The following PPP1R8 variants were observed in gnomAD, a reference collection of about 807,000 sequenced individuals.
PPP1R8 encodes nuclear inhibitor of protein phosphatase 1.
In PPP1R8, 4 loss-of-function variants were observed where a neutral mutation model predicts 31.3. The observed-to-expected ratio is 0.13, with a 90% CI of 0.06 to 0.29. The LOEUF is 0.29. Among genes scored for constraint, PPP1R8 ranks in the 10% least tolerant of loss-of-function variants. The pLI is 1.00. For synonymous variants in PPP1R8, 170 were observed against 169.7 expected (o/e 1.00, Z -0.01); for missense variants, 254 against 440.1 (o/e 0.58, Z 3.78).
intron 4 of PPP1R8, among the ~76,000 whole-genome samples, chr1:27,842,116 G>A (rs1445288361): frequency 3.9e-5 from 6 of 152,134 alleles, no homozygotes; most frequent in Non-Finnish European, 8.8e-5. Context: ...CGAGGTGGGC[G>A]GATCACCTGA....
chr1:27,849,900 G>A (rs1354371205), intron 6 of PPP1R8, among the ~76,000 whole-genome samples, 193 bp from the exon 7 acceptor site: 7 of 152,166 alleles, frequency 4.6e-5, no homozygotes, highest in Admixed American at 3.9e-4. Flanking sequence ...GTAGATGACT[G>A]GAAAGGTCTC....
chr1:27,835,749 G>A lies in PPP1R8; in HGVS notation c.117+2933G>A, dbSNP rs1193392809. Among the ~76,000 whole-genome samples the A allele has an allele frequency of 3.3e-5, 5 of 152,316 alleles. No individual in the cohort carries two copies. The East Asian group carries it at 5.8e-4, about 18-fold the overall frequency. On this transcript the variant is annotated intron_variant, in intron 2 of 6. Transcript: ENST00000311772. The stretch of plus-strand genomic sequence containing the variant: ...TATATAATGTGGTTAAAACAGCTTA[G>A]ACTCTGAAGCCAGACAAATCTGAAT...
Position 27,843,259 on chromosome 1 carries a change from T to C in PPP1R8, c.566T>C (p.Ile189Thr). ...TLTIEEGNLD[I>T]QRPKRKRKNS... Reference sequence around the variant, plus strand: ...ACCATTGAGGAGGGAAATCTGGACATTCAAAGACCAAAGAGGAAGAGGAAG... The same window carrying C: ...ACCATTGAGGAGGGAAATCTGGACACTCAAAGACCAAAGAGGAAGAGGAAG... The change falls in exon 5 of 7, where the codon ATT becomes ACT. Residue 189 changes from isoleucine (I) to threonine (T), a missense_variant. Transcript: ENST00000311772. 2 of 1,614,170 alleles carry C rather than the reference T, an allele frequency of 1.2e-6. No individual in the cohort carries two copies. The highest frequency in any genetic ancestry group is 1.7e-6 in the Non-Finnish European group (2 of 1,180,016).
chr1:27,842,124 T>C (rs1438714423), intron 4 of PPP1R8, among the ~76,000 whole-genome samples: 1 of 152,170 alleles, frequency 6.6e-6, no homozygotes, highest in Admixed American at 6.5e-5. Flanking sequence ...GCGGATCACC[T>C]GAGGTCAGGA....
intron 6 of PPP1R8, among the ~76,000 whole-genome samples, chr1:27,847,743 C>A (rs895360870): frequency 1.3e-5 from 2 of 151,826 alleles, no homozygotes; most frequent in Non-Finnish European, 2.9e-5. Context: ...AAAAAAATAA[C>A]CTGCTCTTTA....
At chr1:27,844,884 ATTTTTTTTTTTTT>A (rs765514573) in intron 5 of PPP1R8, among the ~76,000 whole-genome samples, 14 of 72,372 alleles carry the variant, frequency 1.9e-4, no homozygotes, top group South Asian at 4.7e-4. Flanking sequence ...TGCCCGACTA[ATTTTTTTTTTTTT>A]TTTTTTTTTT....
intron 5 of PPP1R8, among the ~76,000 whole-genome samples, chr1:27,844,646 T>C (rs888864994): frequency 6.7e-6 from 1 of 150,202 alleles, no homozygotes; most frequent in Non-Finnish European, 1.5e-5. Flanking sequence ...TATTTTTTAA[T>C]GAGCTCCTGT....
intron 4 of PPP1R8, among the ~76,000 whole-genome samples, chr1:27,842,863 C>T (rs532808329): frequency 2.6e-5 from 4 of 152,292 alleles, no homozygotes; most frequent in East Asian, 1.9e-4. Flanking sequence ...GACATGATAG[C>T]CTTTCTTCAG....
chr1:27,841,957 G>C (rs1309534879), intron 4 of PPP1R8, among the ~76,000 whole-genome samples: 1 of 152,204 alleles, frequency 6.6e-6, no homozygotes, highest in Non-Finnish European at 1.5e-5. Context: ...TAGACCAAAT[G>C]CAATCATGTC....
rs906050362 is a variant in PPP1R8, at chr1:27,851,234, C to T, written c.*788C>T. On this transcript the variant is annotated 3_prime_UTR_variant, in exon 7 of 7. Coordinates refer to ENST00000311772, the MANE Select transcript of PPP1R8 (RefSeq NM_014110.5). Reference sequence around the variant, plus strand: ...GAAGGCAGTTTTCAAAGGATATGACCAGTTGGGGTAATTCAAATTAAAAAG... The same window carrying T: ...GAAGGCAGTTTTCAAAGGATATGACTAGTTGGGGTAATTCAAATTAAAAAG... 3.6e-6 allele frequency: 1 copy of T among 278,430 alleles called. No individual in the cohort carries two copies. Among genetic ancestry groups the T allele is most frequent in the Non-Finnish European group, 7.2e-6 (1 of 139,738 alleles). 17.2% of individuals were successfully genotyped at this position (278,430 alleles called of 1,614,324 possible). A position where few individuals can be genotyped will look rare whatever the true frequency, so the allele number is the denominator to read the frequency against.
chr1:27,850,083 T>C lies in PPP1R8; in HGVS notation c.703-10T>C. 6.5e-7 allele frequency: 1 copy of C among 1,542,598 alleles called. No individual in the cohort carries two copies. The highest frequency in any genetic ancestry group is 8.8e-7 in the Non-Finnish European group (1 of 1,142,850). ...TCCAATCTCTCCCCTCTCCTCATCG[T>C]GAACTGTAGAAGAAGCGTGTGGAGG... On this transcript the variant is annotated splice_polypyrimidine_tract_variant and intron_variant, in intron 6 of 6. Coordinates refer to ENST00000311772, the MANE Select transcript of PPP1R8 (RefSeq NM_014110.5).
intron 1 of PPP1R8, 99 bp from the exon 2 acceptor site, chr1:27,832,657 T>A: frequency 1.1e-6 from 1 of 939,406 alleles, no homozygotes; most frequent in South Asian, 1.8e-5. Flanking sequence ...GAACTAATTA[T>A]AGGCTGGTAG....
intron 3 of PPP1R8, among the ~76,000 whole-genome samples, chr1:27,839,270 G>A (rs1414182380): frequency 6.6e-6 from 1 of 152,164 alleles, no homozygotes; most frequent in Admixed American, 6.5e-5. Context: ...GCTCACTCCT[G>A]TAATCCCAGC....
intron 6 of PPP1R8, among the ~76,000 whole-genome samples, chr1:27,847,695 C>T (rs2148620324): frequency 6.6e-6 from 1 of 152,092 alleles, no homozygotes; most frequent in Admixed American, 6.6e-5. Context: ...GGTGCCACTG[C>T]ACTCCAGCCT....
chr1:27,842,385 G>C (rs1231004153), intron 4 of PPP1R8, among the ~76,000 whole-genome samples: 1 of 151,564 alleles, frequency 6.6e-6, no homozygotes, highest in African/African-American at 2.4e-5. Context: ...TTAAGAAGTC[G>C]TTTTGTTTTG....
chr1:27,843,925 C>G (rs2089247120), intron 5 of PPP1R8, among the ~76,000 whole-genome samples: 1 of 152,218 alleles, frequency 6.6e-6, no homozygotes, highest in Non-Finnish European at 1.5e-5. Flanking sequence ...TGCACTCCCA[C>G]CTGGGTGACA....
intron 5 of PPP1R8, among the ~76,000 whole-genome samples, chr1:27,845,930 C>A (rs973049970): frequency 6.6e-6 from 1 of 151,416 alleles, no homozygotes. Flanking sequence ...GCTGGGACTA[C>A]AGGTGCACGC....
At chr1:27,838,143 G>A (rs1165797367) in intron 2 of PPP1R8, among the ~76,000 whole-genome samples, 1 of 150,558 alleles carries the variant, frequency 6.6e-6, no homozygotes, top group Non-Finnish European at 1.5e-5. Flanking sequence ...CGCAGGAGTT[G>A]GAGGTTGCAG....
At chr1:27,831,451 T>TA (rs748394631) in intron 1 of PPP1R8, 16 of 740,750 alleles carry the variant, frequency 2.2e-5, no homozygotes, top group African/African-American at 1.5e-4. Flanking sequence ...GAACCCTTTT[T>TA]ATCCCTTCGA....
Sources: gnomAD v4.1 joint callset for allele counts (sites outside exome capture counted in the v4.1 genomes callset) on GRCh38, gnomAD v4.1.1 for gene constraint, MANE v1.5 for transcripts, NCBI Gene and HGNC (gene_info 2026-07-23, HGNC 2026-07-21) for gene names.